XKR6: variants seen among roughly 807,000 people sequenced by gnomAD.
The protein encoded by XKR6 is XK related 6.
Under a neutral mutation model 56.7 loss-of-function variants are expected in XKR6, and 22 were observed. The ratio of observed to expected loss-of-function variants is 0.39; its 90% CI spans 0.28 to 0.55. XKR6 has a LOEUF of 0.55. Ranked by LOEUF, XKR6 falls within the 20% of genes least tolerant of loss-of-function variation. The pLI, the probability that XKR6 is intolerant of heterozygous loss-of-function variation, is 0.66. For missense variants in XKR6, 852 were observed against 889.0 expected, an observed-to-expected ratio of 0.96 and a Z score of 0.53; for synonymous variants, 524 against 387.8, an observed-to-expected ratio of 1.35 and a Z score of -4.13.
intron 1 of XKR6, among the ~76,000 whole-genome samples, chr8:11,063,609 A>G (rs1799901984): frequency 6.6e-6 from 1 of 152,188 alleles, no homozygotes; most frequent in Non-Finnish European, 1.5e-5. Flanking sequence ...CAGCACAAAC[A>G]TGTATATGCA....
At chr8:11,117,273 G>C (rs569450639) in intron 1 of XKR6, among the ~76,000 whole-genome samples, 5 of 152,286 alleles carry the variant, frequency 3.3e-5, no homozygotes, top group African/African-American at 1.2e-4. Flanking sequence ...TCTGCTCCCA[G>C]AACCTGACAG....
chr8:11,026,846 C>T (rs1174537350), intron 1 of XKR6, among the ~76,000 whole-genome samples: 2 of 151,744 alleles, frequency 1.3e-5, no homozygotes, highest in African/African-American at 4.8e-5. Flanking sequence ...CCTAGATAGC[C>T]TAGCCTACTA....
chr8:11,009,402 T>G (rs940704969), intron 1 of XKR6, among the ~76,000 whole-genome samples: 1 of 152,054 alleles, frequency 6.6e-6, no homozygotes, highest in Non-Finnish European at 1.5e-5. Context: ...TCCCAGCTAC[T>G]TGGGAGGCTG....
intron 1 of XKR6, among the ~76,000 whole-genome samples, chr8:11,155,959 A>T (rs1403371635): frequency 6.6e-6 from 1 of 152,076 alleles, no homozygotes; most frequent in Non-Finnish European, 1.5e-5. Flanking sequence ...TTCTGTGTGA[A>T]CTCAACCCTT....
intron 1 of XKR6, among the ~76,000 whole-genome samples, chr8:11,004,555 G>A (rs1033668774): frequency 6.6e-6 from 1 of 152,162 alleles, no homozygotes; most frequent in Non-Finnish European, 1.5e-5. Context: ...TTATCCTGAT[G>A]TTTACAAAAA....
intron 1 of XKR6, among the ~76,000 whole-genome samples, chr8:11,169,569 G>C (rs1210956888): frequency 3.3e-5 from 5 of 152,138 alleles, no homozygotes; most frequent in Non-Finnish European, 7.4e-5. Flanking sequence ...ACTTACATGA[G>C]GCACTTAAAA....
chr8:10,963,068 C>T (rs538262285), intron 1 of XKR6, among the ~76,000 whole-genome samples: 2 of 152,294 alleles, frequency 1.3e-5, no homozygotes, highest in East Asian at 1.9e-4. Context: ...GCAGACTGAA[C>T]GCCCAACAGC....
chr8:11,148,821 T>C (rs1013594000), intron 1 of XKR6, among the ~76,000 whole-genome samples: 6 of 152,202 alleles, frequency 3.9e-5, no homozygotes, highest in African/African-American at 1.2e-4. Context: ...TTCCATATGA[T>C]GCAATACTTC....
chr8:11,114,125 G>A (rs1171314187), intron 1 of XKR6: 5 of 430,344 alleles, frequency 1.2e-5, no homozygotes, highest in East Asian at 7.4e-5. Flanking sequence ...ATGAACAAAT[G>A]AGCATGGAAT....
chr8:11,173,421 A>G (rs1802487494), intron 1 of XKR6, among the ~76,000 whole-genome samples: 1 of 150,984 alleles, frequency 6.6e-6, no homozygotes, highest in Non-Finnish European at 1.5e-5. Flanking sequence ...ATATACATAT[A>G]TATATATAAC....
rs1799914413 is a variant in XKR6 at position 10,897,431 on chromosome 8, A to AG, written c.*520dup. On this transcript the variant is annotated 3_prime_UTR_variant, in exon 3 of 3. Transcript: ENST00000416569. ...TCTTCTGGTGCAAAAATCACCAGAG[A>AG]GTTTTGCATGAGAAAACGTGACAGT... 6.6e-6 allele frequency: 1 copy of AG among 152,644 alleles called. No homozygotes were observed. 9.5% of individuals were successfully genotyped at this position (152,644 alleles called of 1,614,324 possible).
At chr8:11,086,148 A>ATATTTT (rs71203369) in intron 1 of XKR6, among the ~76,000 whole-genome samples, 73 of 120,742 alleles carry the variant, frequency 6.0e-4, no homozygotes, top group African/African-American at 1.1e-3. Flanking sequence ...ATATATATAT[A>ATATTTT]TTTTTTTTTA....
intron 1 of XKR6, among the ~76,000 whole-genome samples, chr8:10,954,033 T>C (rs570503038): frequency 6.6e-6 from 1 of 152,390 alleles, no homozygotes; most frequent in African/African-American, 2.4e-5. Context: ...ATTATATGTA[T>C]ATACCACATT....
intron 1 of XKR6, among the ~76,000 whole-genome samples, chr8:11,016,574 C>G (rs2081644998): frequency 6.6e-6 from 1 of 152,226 alleles, no homozygotes; most frequent in African/African-American, 2.4e-5. Flanking sequence ...CGTCCGCGCC[C>G]CGACAGCGCC....
At position 10,999,250 on chromosome 8, in the gene XKR6, A is replaced by G. The variant is rs147834899; in HGVS notation, c.765-74420T>C. Reference sequence around the variant, plus strand: ...AGTGGCAACAAGTTGTATATCCAACATTAAGGAAATGACTGTTATGATTCA... The same window carrying G: ...AGTGGCAACAAGTTGTATATCCAACGTTAAGGAAATGACTGTTATGATTCA... On this transcript the variant is annotated intron_variant, in intron 1 of 2. Coordinates refer to ENST00000416569, the MANE Select transcript of XKR6 (RefSeq NM_173683.4). Among the ~76,000 whole-genome samples, 34 of 152,366 alleles carry G rather than the reference A, an allele frequency of 2.2e-4. No homozygotes were observed. In the East Asian group the frequency reaches 6.4e-3, roughly 29 times the overall value.
intron 1 of XKR6, among the ~76,000 whole-genome samples, chr8:11,039,196 G>T (rs2129155122): frequency 6.6e-6 from 1 of 152,336 alleles, no homozygotes; most frequent in South Asian, 2.1e-4. Context: ...CGAAGGGGAG[G>T]CCACCAGCCA....
intron 1 of XKR6, among the ~76,000 whole-genome samples, chr8:10,999,445 C>T (rs940377260): frequency 5.9e-5 from 9 of 152,274 alleles, no homozygotes; most frequent in East Asian, 1.9e-4. Flanking sequence ...TGTTGACAGA[C>T]GGTTTCTGGA....
At chr8:11,194,914 T>C in intron 1 of XKR6, 1 of 535,618 alleles carries the variant, frequency 1.9e-6, no homozygotes, top group Non-Finnish European at 3.3e-6. Flanking sequence ...GCATCCCCAG[T>C]TGCAATTTCG....
chr8:11,180,484 G>A (rs1802911732), intron 1 of XKR6, among the ~76,000 whole-genome samples: 1 of 152,242 alleles, frequency 6.6e-6, no homozygotes, highest in Non-Finnish European at 1.5e-5. Flanking sequence ...CCCTAGACAT[G>A]CCACATACCC....
Sources: gnomAD v4.1 joint callset for allele counts (sites outside exome capture counted in the v4.1 genomes callset) on GRCh38, gnomAD v4.1.1 for gene constraint, MANE v1.5 for transcripts, NCBI Gene and HGNC (gene_info 2026-07-23, HGNC 2026-07-21) for gene names.